PID1: variants seen among roughly 807,000 people sequenced by gnomAD.
PID1 encodes PTB-containing, cubilin and LRP1-interacting protein.
A neutral mutation model predicts 19.1 loss-of-function variants in PID1; 10 were observed. That is an observed-to-expected ratio of 0.52 (90% CI 0.32 to 0.89). The LOEUF (loss-of-function observed/expected upper bound fraction) is 0.89, where lower values mean the gene tolerates loss of function less well. Among genes scored for constraint, PID1 ranks in the 40% least tolerant of loss-of-function variants. The pLI is 0.03. For missense variants in PID1, 248 were observed against 285.3 expected (o/e 0.87, Z 0.94); for synonymous variants, 130 against 116.0 (o/e 1.12, Z -0.78).
At chr2:229,097,262 C>T (rs534436236) in intron 2 of PID1, among the ~76,000 whole-genome samples, 3 of 152,248 alleles carry the variant, frequency 2.0e-5, no homozygotes, top group East Asian at 3.9e-4. Context: ...CCCCTCGCCC[C>T]GTCTTACATA....
At chr2:229,200,447 C>G (rs932379732) in intron 1 of PID1, among the ~76,000 whole-genome samples, 2 of 151,944 alleles carry the variant, frequency 1.3e-5, no homozygotes, top group Admixed American at 1.3e-4. Context: ...ATAAAGGAAC[C>G]CTCCTCTGCC....
chr2:229,235,287 C>T (rs1306548118), intron 1 of PID1, among the ~76,000 whole-genome samples: 2 of 152,182 alleles, frequency 1.3e-5, no homozygotes, highest in Non-Finnish European at 2.9e-5. Flanking sequence ...ACCACAGCTA[C>T]TCTACTCAGA....
chr2:229,161,825 T>C (rs940606823), intron 1 of PID1, among the ~76,000 whole-genome samples: 3 of 152,204 alleles, frequency 2.0e-5, no homozygotes, highest in Non-Finnish European at 2.9e-5. Context: ...CTATATGCCA[T>C]ACCCAGTTCT....
At chr2:229,111,803 G>C (rs966251909) in intron 2 of PID1, among the ~76,000 whole-genome samples, 1 of 152,208 alleles carries the variant, frequency 6.6e-6, no homozygotes, top group Non-Finnish European at 1.5e-5. Flanking sequence ...CAAGGCAGCA[G>C]TGAGCCTAAT....
chr2:229,222,194 T>A (rs1380270321), intron 1 of PID1, among the ~76,000 whole-genome samples: 1 of 152,180 alleles, frequency 6.6e-6, no homozygotes, highest in Admixed American at 6.5e-5. Flanking sequence ...CAACCTGATC[T>A]TGGAACACTC....
At chr2:229,100,386 C>A (rs1406954835) in intron 2 of PID1, among the ~76,000 whole-genome samples, 1 of 152,122 alleles carries the variant, frequency 6.6e-6, no homozygotes, top group Non-Finnish European at 1.5e-5. Context: ...TCACATCAAA[C>A]AACATTTCAA....
intron 1 of PID1, among the ~76,000 whole-genome samples, chr2:229,190,841 G>A (rs768980291): frequency 3.5e-4 from 53 of 152,084 alleles, no homozygotes; most frequent in Non-Finnish European, 8.8e-5. Flanking sequence ...GAGATCCACT[G>A]GTACATGCAC....
In PID1 at chr2:229,246,543, C is replaced by T. The variant is rs534848258; in HGVS notation, c.30+24471G>A. Among the ~76,000 whole-genome samples the T allele has an allele frequency of 4.6e-5, 7 of 152,124 alleles. No individual in the cohort carries two copies. The South Asian group carries it at 6.2e-4, about 13-fold the overall frequency. ...ATGTTGAGCTGTGGGCACACACACC[C>T]ATTTATTATCTGTGGGACTGACTGT... On this transcript the variant is annotated intron_variant, in intron 1 of 2. Coordinates refer to ENST00000392055, the MANE Select transcript of PID1 (RefSeq NM_001100818.2).
At chr2:229,202,870 G>A (rs1691528502) in intron 1 of PID1, among the ~76,000 whole-genome samples, 1 of 152,040 alleles carries the variant, frequency 6.6e-6, no homozygotes, top group African/African-American at 2.4e-5. Flanking sequence ...TACCATTAAT[G>A]TCCTTCATTC....
intron 2 of PID1, among the ~76,000 whole-genome samples, chr2:229,137,600 C>CAT (rs67611624): frequency 3.6e-5 from 2 of 56,124 alleles, no homozygotes. Flanking sequence ...GCAGGTAATG[C>CAT]ACTGTAAAGT....
chr2:229,185,961 C>T lies in PID1; in HGVS notation c.31-29997G>A, dbSNP rs187766303. On this transcript the variant is annotated intron_variant, in intron 1 of 2. Transcript: ENST00000392055. ...AGACAAGTCAGGTCCCTTCTGCCTA[C>T]GAGCCTGTAAAATCAAAAGCAAGTT... Among the ~76,000 whole-genome samples the T allele has an allele frequency of 8.1e-4, 123 of 152,296 alleles. 1 individual carries two copies. Among genetic ancestry groups the T allele is most frequent in the African/African-American group, 2.7e-3 (114 of 41,564 alleles).
intron 1 of PID1, among the ~76,000 whole-genome samples, chr2:229,183,478 T>C (rs1690990691): frequency 6.6e-6 from 1 of 152,182 alleles, no homozygotes; most frequent in South Asian, 2.1e-4. Flanking sequence ...CACATTTGAA[T>C]TGGTAGACTG....
chr2:229,054,703 AGTGT>A (rs149214177), intron 2 of PID1, among the ~76,000 whole-genome samples: 153 of 44,114 alleles, frequency 3.5e-3, no homozygotes, highest in South Asian at 0.017. Context: ...ACAGTAATGC[AGTGT>A]GTGTGTGTGT....
chr2:229,037,177 C>T (rs1332525360), intron 2 of PID1, among the ~76,000 whole-genome samples: 3 of 152,010 alleles, frequency 2.0e-5, no homozygotes, highest in Admixed American at 2.0e-4. Flanking sequence ...TAGCACTTTT[C>T]CCTAAGTATT....
rs1553578254 is a variant in PID1, at chr2:229,210,553, AAC to A, written c.31-54591_31-54590del. On this transcript the variant is annotated intron_variant, in intron 1 of 2. Transcript: ENST00000392055. ...AAAAAAAAAAAAAAAAAAAAAAAAA[AAC>A]AACCTAGAAGGAAAAAGTCAGAAGA... 2.5e-3 allele frequency among the ~76,000 whole-genome samples: 231 copies of A among 91,570 alleles called. 20 individuals carry two copies. Among genetic ancestry groups the A allele is most frequent in the Middle Eastern group, 0.013 (2 of 150 alleles). 60.1% of individuals were successfully genotyped at this position (91,570 alleles called of 152,430 possible). A position where few individuals can be genotyped will look rare whatever the true frequency, so the allele number is the denominator to read the frequency against.
chr2:229,159,140 A>G (rs562072078), intron 1 of PID1, among the ~76,000 whole-genome samples: 2 of 152,330 alleles, frequency 1.3e-5, no homozygotes, highest in East Asian at 3.9e-4. Context: ...TGGATACCCC[A>G]TTCTCCATGA....
Position 229,139,069 on chromosome 2 carries a change from AAG to A in PID1, c.177+16747_177+16748del, listed in dbSNP as rs1559251597. Among the ~76,000 whole-genome samples, 12 of 63,218 alleles carry A rather than the reference AAG, an allele frequency of 1.9e-4. No individual in the cohort carries two copies. In the South Asian group the frequency reaches 7.5e-3, roughly 39 times the overall value. The allele number at this position is 63,218 out of a possible 152,430, so 41.5% of individuals were successfully genotyped here. On this transcript the variant is annotated intron_variant, in intron 2 of 2. Coordinates refer to ENST00000392055, the MANE Select transcript of PID1 (RefSeq NM_001100818.2). ...AGAAAGAAAGAAAGAGAAAGAAAGA[AAG>A]AAAGAAAGAAAGAAAGAAAGAAAGA...
At chr2:229,055,216 A>T (rs1252665347) in intron 2 of PID1, among the ~76,000 whole-genome samples, 1 of 152,128 alleles carries the variant, frequency 6.6e-6, no homozygotes, top group Non-Finnish European at 1.5e-5. Context: ...ATGTGAAGCA[A>T]CTCAAGCAAC....
chr2:229,025,879 C>T lies in PID1; in HGVS notation c.407G>A (p.Cys136Tyr), dbSNP rs766796821. Residue 136 changes from cysteine to tyrosine, a missense_variant, in exon 3 of 3, where the codon TGC becomes TAC. Coordinates refer to ENST00000392055, the MANE Select transcript of PID1 (RefSeq NM_001100818.2). ...DTFQVARIAY[C>Y]TADHNVSPNI... is the part of the protein sequence containing the mutation. ...GGGGCTCACGTTGTGGTCGGCGGTG[C>T]AGTAGGCGATGCGGGCCACCTGGAA... 1 of 1,614,216 alleles carries T rather than the reference C, an allele frequency of 6.2e-7. No homozygotes were observed. The highest frequency in any genetic ancestry group is 2.2e-5 in the East Asian group (1 of 44,884).
Sources: gnomAD v4.1 joint callset for allele counts (sites outside exome capture counted in the v4.1 genomes callset) on GRCh38, gnomAD v4.1.1 for gene constraint, MANE v1.5 for transcripts, NCBI Gene and HGNC (gene_info 2026-07-23, HGNC 2026-07-21) for gene names.